The following INSR variants were observed in gnomAD, a reference collection of about 807,000 sequenced individuals.
The protein encoded by INSR is insulin receptor, also known as IR.
In INSR, 67 loss-of-function variants were observed where a neutral mutation model predicts 142.6. The observed-to-expected ratio is 0.47, with a 90% CI of 0.39 to 0.58. INSR has a LOEUF of 0.58. INSR is among the 20% of genes least tolerant of loss of function. The pLI is 0.00. For synonymous variants in INSR, 756 were observed against 743.1 expected (o/e 1.02, Z -0.28); for missense variants, 1,248 against 1,833.2 (o/e 0.68, Z 5.83).
chr19:7,136,249 G>A, intron 13 of INSR, among the ~76,000 whole-genome samples: 1 of 152,124 alleles, frequency 6.6e-6, no homozygotes. Flanking sequence ...AGCCACTCAA[G>A]GGTGAGGAGC....
In INSR at chr19:7,126,313, T is replaced by C. The variant is rs10407499; in HGVS notation, c.3013+271A>G. ...TGAAGCCAGGCAAGACCAGAAGAAC[T>C]GCCCAGCTGAGCCCAGCCCAAGTGG... is the stretch of plus-strand genomic sequence containing the variant. On this transcript the variant is annotated intron_variant, in intron 16 of 21. Transcript: ENST00000302850. Among the ~76,000 whole-genome samples the C allele has an allele frequency of 0.92, 139,859 of 152,258 alleles. 64,344 individuals are homozygous for C. The highest frequency in any genetic ancestry group is 1 in the East Asian group (5,163 of 5,176).
chr19:7,217,611 T>A (rs1975475237), intron 2 of INSR, among the ~76,000 whole-genome samples: 1 of 152,218 alleles, frequency 6.6e-6, no homozygotes, highest in Non-Finnish European at 1.5e-5. Flanking sequence ...CAGGCTGGAG[T>A]GCAGTGGGCA....
At chr19:7,190,895 T>A (rs1263741720) in intron 2 of INSR, among the ~76,000 whole-genome samples, 3 of 152,244 alleles carry the variant, frequency 2.0e-5, no homozygotes, top group Non-Finnish European at 4.4e-5. Flanking sequence ...TGTGAGGTGA[T>A]AGCTTTTAAA....
intron 2 of INSR, among the ~76,000 whole-genome samples, chr19:7,256,974 G>A (rs1025813441): frequency 4.8e-5 from 6 of 125,602 alleles, no homozygotes; most frequent in Non-Finnish European, 6.3e-5. Flanking sequence ...ATGGAGTCTC[G>A]CTGTGACACC....
intron 2 of INSR, among the ~76,000 whole-genome samples, chr19:7,219,472 A>AGG (rs1975532321): frequency 1.5e-5 from 1 of 65,896 alleles, no homozygotes; most frequent in Admixed American, 1.6e-4. Context: ...GAGAGAGAGA[A>AGG]AAGGGAGGGA....
At chr19:7,234,395 T>TG (rs766984849) in intron 2 of INSR, among the ~76,000 whole-genome samples, 1 of 151,914 alleles carries the variant, frequency 6.6e-6, no homozygotes, top group African/African-American at 2.4e-5. Flanking sequence ...TTTGTAGAGA[T>TG]GGGGGTCTCG....
chr19:7,166,348 C>T lies in INSR; in HGVS notation c.1667G>A (p.Trp556Ter), dbSNP rs763905694. Residue 556 changes from tryptophan to a stop codon, truncating the protein, a stop_gained, in exon 8 of 22, where the codon TGG (tryptophan) becomes TAG (stop). Transcript: ENST00000302850. LOFTEE classifies it high-confidence loss of function. This position sits in a 1 kb window ranked among gnomAD's most constrained non-coding sequence, Gnocchi z 4.1. ...DGQDACGSNS[W>*]TVVDIDPPLR... ...GGGTGGGTCAATGTCTACCACCGTC[C>T]AACTGTTGGAACCACACGCATCCTG... 1 of 1,614,088 alleles carries T rather than the reference C, an allele frequency of 6.2e-7. No individual in the cohort carries two copies. Among genetic ancestry groups the T allele is most frequent in the Non-Finnish European group, 8.5e-7 (1 of 1,180,014 alleles).
chr19:7,121,449 C>T (rs139607282), intron 19 of INSR, among the ~76,000 whole-genome samples: 224 of 152,156 alleles, frequency 1.5e-3, no homozygotes, highest in African/African-American at 5.2e-3. Flanking sequence ...TCTCACGCTG[C>T]TCTGGTCCCC....
At chr19:7,293,254 G>C (rs1331557136) in intron 1 of INSR, among the ~76,000 whole-genome samples, 1 of 152,234 alleles carries the variant, frequency 6.6e-6, no homozygotes. Context: ...CATGGACCTA[G>C]AGTCCGGGGT....
In INSR at chr19:7,221,179, A is replaced by G. The variant is rs184241239; in HGVS notation, c.653-36542T>C. On this transcript the variant is annotated intron_variant, in intron 2 of 21. Transcript: ENST00000302850. The stretch of plus-strand genomic sequence containing the variant: ...ACTTGAGGTGAGGAGTTTGAGACTA[A>G]CCTGGCCAACGTGGCGAGACCCCGT... Among the ~76,000 whole-genome samples the G allele has an allele frequency of 6.1e-3, 891 of 145,844 alleles. 13 individuals carry two copies. Among genetic ancestry groups the G allele is most frequent in the African/African-American group, 0.021 (841 of 39,560 alleles).
rs764083259 is a variant in INSR, at chr19:7,122,609, C to T, written c.3529+5G>A. ...TATGTTTTCAAAGCAGAAAGCCAGA[C>T]GAACCTCCAATTTTGACAGTAAAAT... On this transcript the variant is annotated splice_donor_5th_base_variant and intron_variant, in intron 19 of 21. Transcript: ENST00000302850. The T allele has an allele frequency of 8.7e-6, 14 of 1,614,092 alleles. No homozygotes were observed. The highest frequency in any genetic ancestry group is 1.6e-4 in the Middle Eastern group (1 of 6,062).
chr19:7,221,483 G>A (rs1272568715), intron 2 of INSR, among the ~76,000 whole-genome samples: 4 of 152,050 alleles, frequency 2.6e-5, no homozygotes, highest in South Asian at 2.1e-4. Context: ...CGAGGCGGGC[G>A]GATCACCTGA....
In INSR at chr19:7,237,333, A is replaced by G. The variant is rs1347875991; in HGVS notation, c.652+30012T>C. On this transcript the variant is annotated intron_variant, in intron 2 of 21. Transcript: ENST00000302850. ...GGAGTTCCAGACCAGCCTGGCCAAT[A>G]TGGTGAAACCCCGTCTCTACTAAAA... 6.6e-5 allele frequency among the ~76,000 whole-genome samples: 10 copies of G among 151,740 alleles called. No homozygotes were observed. The East Asian group carries it at 1.8e-3, about 27-fold the overall frequency.
intron 9 of INSR, among the ~76,000 whole-genome samples, chr19:7,157,152 G>A (rs1973616294): frequency 6.6e-6 from 1 of 152,042 alleles, no homozygotes; most frequent in African/African-American, 2.4e-5. Context: ...GGCTAATTTT[G>A]TATTTTTAGT....
intron 10 of INSR, among the ~76,000 whole-genome samples, chr19:7,151,196 C>G (rs1222298314): frequency 2.2e-5 from 2 of 91,988 alleles, no homozygotes; most frequent in Admixed American, 1.4e-4. Context: ...TTCTTTCTTT[C>G]TTTCTTTCTT....
At chr19:7,155,482 G>A (rs986598144) in intron 9 of INSR, among the ~76,000 whole-genome samples, 10 of 149,730 alleles carry the variant, frequency 6.7e-5, no homozygotes, top group Non-Finnish European at 1.5e-4. Flanking sequence ...AGGTTGCATT[G>A]AGCCAAGATT....
intron 2 of INSR, among the ~76,000 whole-genome samples, chr19:7,244,931 C>CTTTTT (rs370936908): frequency 5.7e-5 from 5 of 88,058 alleles, no homozygotes; most frequent in Non-Finnish European, 1.0e-4. Flanking sequence ...TTTGTTTTTG[C>CTTTTT]TTTTTTTTTT....
chr19:7,123,813 C>T (rs1972553744), intron 17 of INSR, among the ~76,000 whole-genome samples: 1 of 152,010 alleles, frequency 6.6e-6, no homozygotes, highest in Non-Finnish European at 1.5e-5. Context: ...ATCCCAGCTA[C>T]TCAGGAGGCC....
chr19:7,213,386 C>T (rs1375636061), intron 2 of INSR, among the ~76,000 whole-genome samples: 3 of 151,038 alleles, frequency 2.0e-5, no homozygotes, highest in African/African-American at 7.3e-5. Context: ...CAGGGCACTG[C>T]AGGAACCCAC....
Sources: gnomAD v4.1 joint callset for allele counts (sites outside exome capture counted in the v4.1 genomes callset) on GRCh38, gnomAD v4.1.1 for gene constraint, Gnocchi (gnomAD v3.1) non-coding constraint, MANE v1.5 for transcripts, NCBI Gene and HGNC (gene_info 2026-07-23, HGNC 2026-07-21) for gene names.